The following RSPRY1 variants were observed in gnomAD, a reference collection of about 807,000 sequenced individuals.
RSPRY1 encodes the protein ring finger and SPRY domain containing 1.
In RSPRY1, 23 loss-of-function variants were observed where a neutral mutation model predicts 73.1. That is an observed-to-expected ratio of 0.31 (90% CI 0.23 to 0.45). The LOEUF (loss-of-function observed/expected upper bound fraction) is 0.45. RSPRY1 is among the 20% of genes least tolerant of loss of function. The probability of loss-of-function intolerance (pLI) is 1.00; values close to 1 mark genes in which losing one functional copy is unlikely to be tolerated. For synonymous variants in RSPRY1, 226 were observed against 251.4 expected (o/e 0.90, Z 0.95); for missense variants, 448 against 698.7 (o/e 0.64, Z 4.05).
intron 1 of RSPRY1, among the ~76,000 whole-genome samples, chr16:57,192,210 A>G (rs1478594014): frequency 1.3e-5 from 2 of 152,202 alleles, no homozygotes; most frequent in African/African-American, 4.8e-5. Flanking sequence ...GTTGATATTC[A>G]TGCTGCTTAT....
chr16:57,190,923 A>G (rs1190215094), intron 1 of RSPRY1, among the ~76,000 whole-genome samples: 1 of 152,206 alleles, frequency 6.6e-6, no homozygotes, highest in Non-Finnish European at 1.5e-5. Flanking sequence ...GGCCTCTTAG[A>G]GAACATTCCG....
In RSPRY1 at chr16:57,216,186, A is replaced by C. The variant is rs770162480; in HGVS notation, c.769+13A>C. On this transcript the variant is annotated intron_variant, in intron 7 of 14. Transcript: ENST00000394420. ...TTTGCACAGACAAGTAGGTATAGTGACTTCTTGCACTAATGATCTTCTGTA... is the reference window on the plus strand; with the variant it reads ...TTTGCACAGACAAGTAGGTATAGTGCCTTCTTGCACTAATGATCTTCTGTA... The C allele has an allele frequency of 2.6e-6, 4 of 1,568,512 alleles. 1 individual carries two copies. In the South Asian group the frequency reaches 4.5e-5, roughly 17 times the overall value.
At chr16:57,188,699 A>G (rs1404667421) in intron 1 of RSPRY1, among the ~76,000 whole-genome samples, 2 of 151,962 alleles carry the variant, frequency 1.3e-5, no homozygotes, top group Non-Finnish European at 2.9e-5. Context: ...TATTTTTAGT[A>G]GAGACGAGGT....
chr16:57,208,257 A>T, intron 3 of RSPRY1, 147 bp downstream of exon 3: 10 of 343,264 alleles, frequency 2.9e-5, no homozygotes, highest in East Asian at 6.1e-5. Context: ...CCCTTACTGT[A>T]TGGAAATTTC....
chr16:57,211,580 CA>C (rs1268562769), intron 4 of RSPRY1, among the ~76,000 whole-genome samples: 7 of 151,564 alleles, frequency 4.6e-5, no homozygotes, highest in African/African-American at 1.7e-4. Flanking sequence ...ACAACAACAA[CA>C]AAAAAAAGTT....
In RSPRY1 at chr16:57,204,878, A is replaced by G; in HGVS notation, c.220A>G (p.Arg74Gly). Residue 74 changes from arginine to glycine, a missense_variant, in exon 2 of 15, where the codon AGG (arginine) becomes GGG (glycine). Physicochemically the swap from Arg to Gly is moderately radical, Grantham distance 125. Coordinates refer to ENST00000394420, the MANE Select transcript of RSPRY1 (RefSeq NM_133368.3). ...CAGTGCAGTACCCACTGCTGACACAAGGAGCCAACCACGGGACCCTGTTCG... is the reference window on the plus strand; with the variant it reads ...CAGTGCAGTACCCACTGCTGACACAGGGAGCCAACCACGGGACCCTGTTCG... The part of the protein sequence containing the change: ...ENSAVPTADT[R>G]SQPRDPVRPP... 1 of 1,614,214 alleles carries G rather than the reference A, an allele frequency of 6.2e-7. No homozygotes were observed. The highest frequency in any genetic ancestry group is 2.2e-5 in the East Asian group (1 of 44,886).
intron 6 of RSPRY1, 56 bp from the exon 7 acceptor site, chr16:57,216,051 C>T: frequency 7.4e-7 from 1 of 1,350,454 alleles, no homozygotes; most frequent in Non-Finnish European, 1.0e-6. Context: ...GATAACTTGC[C>T]ACCTCTGCAG....
intron 1 of RSPRY1, among the ~76,000 whole-genome samples, chr16:57,203,668 C>G (rs140975330): frequency 6.6e-6 from 1 of 152,306 alleles, no homozygotes; most frequent in Non-Finnish European, 1.5e-5. Flanking sequence ...GAATGGCCAT[C>G]CATGAATTCC....
intron 1 of RSPRY1, among the ~76,000 whole-genome samples, chr16:57,197,438 C>G (rs900386736): frequency 6.6e-6 from 1 of 152,100 alleles, no homozygotes; most frequent in Non-Finnish European, 1.5e-5. Flanking sequence ...TATAAAATGC[C>G]TTCCAGCTTC....
intron 11 of RSPRY1, among the ~76,000 whole-genome samples, chr16:57,230,064 G>A (rs2075190720): frequency 7.4e-6 from 1 of 135,068 alleles, no homozygotes; most frequent in African/African-American, 2.8e-5. Flanking sequence ...AGGCTGGAGT[G>A]CAATGGCATG....
chr16:57,186,873 G>C (rs2074210898), intron 1 of RSPRY1: 1 of 152,416 alleles, frequency 6.6e-6, no homozygotes, highest in Non-Finnish European at 1.5e-5. Flanking sequence ...AGAAAGGGTA[G>C]ATGAAGGGAC....
At chr16:57,201,045 G>C (rs2074584464) in intron 1 of RSPRY1, among the ~76,000 whole-genome samples, 1 of 151,272 alleles carries the variant, frequency 6.6e-6, no homozygotes, top group Non-Finnish European at 1.5e-5. Flanking sequence ...TGGGCGGCTG[G>C]CCGGGCGGGG....
chr16:57,187,595 T>C (rs2146124570), intron 1 of RSPRY1, among the ~76,000 whole-genome samples: 1 of 152,252 alleles, frequency 6.6e-6, no homozygotes, highest in East Asian at 1.9e-4. Flanking sequence ...TGAACGTAAG[T>C]TAGTGTGATT....
intron 1 of RSPRY1, among the ~76,000 whole-genome samples, chr16:57,192,855 A>G (rs1343889814): frequency 6.6e-6 from 1 of 151,588 alleles, no homozygotes; most frequent in Non-Finnish European, 1.5e-5. Context: ...TAGCTGGACT[A>G]TAGGGTCCAA....
At chr16:57,216,288 C>A in intron 7 of RSPRY1, 115 bp downstream of exon 7, 1 of 745,008 alleles carries the variant, frequency 1.3e-6, no homozygotes, top group South Asian at 1.6e-5. Flanking sequence ...GGCATACATT[C>A]TGTTTTCATC....
intron 4 of RSPRY1, among the ~76,000 whole-genome samples, chr16:57,212,036 G>A (rs1438108700): frequency 6.6e-6 from 1 of 152,186 alleles, no homozygotes; most frequent in Non-Finnish European, 1.5e-5. Context: ...TTGGGGCAGG[G>A]TGCAGTGGTT....
intron 2 of RSPRY1, among the ~76,000 whole-genome samples, chr16:57,207,022 A>G (rs1597881693): frequency 6.6e-6 from 1 of 152,344 alleles, no homozygotes; most frequent in Middle Eastern, 3.4e-3. Flanking sequence ...ATATTTTGTT[A>G]CATTTTCATC....
chr16:57,199,826 T>G (rs2074527060), intron 1 of RSPRY1, among the ~76,000 whole-genome samples: 1 of 115,432 alleles, frequency 8.7e-6, no homozygotes, highest in Non-Finnish European at 1.8e-5. Flanking sequence ...CAGCGCCTTA[T>G]CAGTGAAATT....
rs1433079629 is a variant in RSPRY1 at position 57,217,030 on chromosome 16, A to G, written c.896A>G (p.Asn299Ser). The G allele has an allele frequency of 4.3e-6, 7 of 1,614,012 alleles. No individual in the cohort carries two copies. Among genetic ancestry groups the G allele is most frequent in the African/African-American group, 1.3e-5 (1 of 74,910 alleles). The change falls in exon 8 of 15, where the codon AAT (asparagine) becomes AGT (serine). Residue 299 changes from asparagine (N) to serine (S), a missense_variant. Transcript: ENST00000394420. Reference sequence around the variant, plus strand: ...TTCTGTGCCCAGTGGAGCTTAGACAATCTCTGTAAGTGGGAGTTGTCCTTT... The same window carrying G: ...TTCTGTGCCCAGTGGAGCTTAGACAGTCTCTGTAAGTGGGAGTTGTCCTTT... ...VGFCAQWSLD[N>S]LFLKEGRQLT... is the part of the protein sequence containing the mutation.
Sources: gnomAD v4.1 joint callset for allele counts (sites outside exome capture counted in the v4.1 genomes callset) on GRCh38, gnomAD v4.1.1 for gene constraint, MANE v1.5 for transcripts, NCBI Gene and HGNC (gene_info 2026-07-23, HGNC 2026-07-21) for gene names.